The following HERC3 variants were observed in gnomAD, a reference collection of about 807,000 sequenced individuals.
HERC3 encodes probable E3 ubiquitin-protein ligase HERC3.
In HERC3, 58 loss-of-function variants were observed where a neutral mutation model predicts 129.9. The observed-to-expected ratio is 0.45, with a 90% CI of 0.36 to 0.56. The LOEUF (loss-of-function observed/expected upper bound fraction) is 0.56, where lower values mean the gene tolerates loss of function less well. HERC3 is among the 20% of genes least tolerant of loss of function. HERC3 has a pLI of 0.00. For missense variants in HERC3, 835 were observed against 1,244.2 expected (o/e 0.67, Z 4.95); for synonymous variants, 430 against 451.0 (o/e 0.95, Z 0.59).
At chr4:88,600,731 A>G (rs1271271895) in intron 2 of HERC3, among the ~76,000 whole-genome samples, 1 of 152,174 alleles carries the variant, frequency 6.6e-6, no homozygotes, top group African/African-American at 2.4e-5. Flanking sequence ...CCTGTTCCAT[A>G]TTTTGGATGT....
chr4:88,610,453 CAA>C (rs10616395), intron 3 of HERC3, among the ~76,000 whole-genome samples: 6,377 of 122,406 alleles, frequency 0.052, 377 homozygotes, highest in East Asian at 0.27. Flanking sequence ...GACTCCGTCT[CAA>C]AAAAAAAAAA....
At chr4:88,558,654 A>C in the HERC3 span, among the ~76,000 whole-genome samples, 1 of 152,162 alleles carries the variant, frequency 6.6e-6, no homozygotes, top group African/African-American at 2.4e-5. Flanking sequence ...TTTTGAAATT[A>C]AAACAATTTT....
At chr4:88,591,862 C>T (rs1253275708), upstream of HERC3, among the ~76,000 whole-genome samples, 9 of 152,274 alleles carry the variant, frequency 5.9e-5, no homozygotes, top group East Asian at 1.7e-3. Flanking sequence ...GTCCACCCTC[C>T]AGCCTCCCCC....
At chr4:88,686,598 C>T (rs894917211) in intron 21 of HERC3, 138 bp from the exon 22 acceptor site, 22 of 572,306 alleles carry the variant, frequency 3.8e-5, no homozygotes, top group East Asian at 1.5e-4. Context: ...ATTTTCTGTC[C>T]GTCCGGATTT....
intron 3 of HERC3, among the ~76,000 whole-genome samples, chr4:88,633,963 C>T (rs1345536373): frequency 6.6e-6 from 1 of 152,036 alleles, no homozygotes; most frequent in Non-Finnish European, 1.5e-5. Context: ...GCCGAGATGG[C>T]CGATTGGAAG....
intron 3 of HERC3, among the ~76,000 whole-genome samples, chr4:88,637,292 G>C (rs1326695750): frequency 6.6e-6 from 1 of 151,134 alleles, no homozygotes; most frequent in Non-Finnish European, 1.5e-5. Context: ...CGGGCATGAT[G>C]GCGGACGCCT....
the HERC3 span, among the ~76,000 whole-genome samples, chr4:88,534,506 A>C: frequency 1.3e-5 from 2 of 152,060 alleles, no homozygotes; most frequent in African/African-American, 4.8e-5. Flanking sequence ...CCTAGAAAAA[A>C]ACTTTCCAGT....
At chr4:88,696,920 A>C in intron 23 of HERC3, 1 of 350,348 alleles carries the variant, frequency 2.9e-6, no homozygotes, top group Non-Finnish European at 5.1e-6. Context: ...CACCCTTTGT[A>C]AACCTCAATC....
chr4:88,601,793 A>G (rs1722997253), intron 2 of HERC3, among the ~76,000 whole-genome samples: 1 of 131,334 alleles, frequency 7.6e-6, no homozygotes, highest in African/African-American at 4.3e-5. Flanking sequence ...GCGGTGGCTT[A>G]CGCCTGTAAT....
chr4:88,578,847 T>C, the HERC3 span, among the ~76,000 whole-genome samples: 37,025 of 151,748 alleles, frequency 0.24, 8,052 homozygotes, highest in African/African-American at 0.58. Flanking sequence ...GGGAAAGAGG[T>C]GGAGACAGGA....
At chr4:88,531,921 A>G in the HERC3 span, among the ~76,000 whole-genome samples, 1 of 152,226 alleles carries the variant, frequency 6.6e-6, no homozygotes, top group Admixed American at 6.5e-5. Context: ...GGTCACAGCT[A>G]TTAGAGCATT....
the HERC3 span, among the ~76,000 whole-genome samples, chr4:88,534,006 C>T: frequency 2.6e-5 from 4 of 152,114 alleles, no homozygotes; most frequent in African/African-American, 7.2e-5. Flanking sequence ...TCTCCACTGC[C>T]CTCCTGCTAA....
intron 23 of HERC3, among the ~76,000 whole-genome samples, chr4:88,701,341 C>T (rs1735298092): frequency 6.6e-6 from 1 of 152,112 alleles, no homozygotes; most frequent in Admixed American, 6.5e-5. Context: ...GATTTGAACC[C>T]CTGTCTGCCT....
chr4:88,622,429 A>G (rs1725630491), intron 3 of HERC3, among the ~76,000 whole-genome samples: 5 of 152,192 alleles, frequency 3.3e-5, no homozygotes, highest in Admixed American at 1.3e-4. Context: ...TGTTATGAAT[A>G]ATGCTGCTGT....
rs1160690130 is a variant in HERC3, at chr4:88,669,984, T to C, written c.1758T>C (p.Tyr586=). 3 of 1,613,958 alleles carry C rather than the reference T, an allele frequency of 1.9e-6. No individual in the cohort carries two copies. The highest frequency in any genetic ancestry group is 2.5e-6 in the Non-Finnish European group (3 of 1,179,898). Residue 586 remains tyrosine (Y), a synonymous_variant, in exon 15 of 26, where the codon TAT becomes TAC. Transcript: ENST00000402738. ...TAATTCCCGTACTGTTTAACAATTATATCACAGCAGCTCTCAAACTCTTGG... is the reference window on the plus strand; with the variant it reads ...TAATTCCCGTACTGTTTAACAATTACATCACAGCAGCTCTCAAACTCTTGG... ...TFLIPVLFNN[Y]ITAALKLLEK...
At position 88,668,059 on chromosome 4, in the gene HERC3, T is replaced by C; in HGVS notation, c.1611T>C (p.Asp537=). 1 of 1,613,588 alleles carries C rather than the reference T, an allele frequency of 6.2e-7. No individual in the cohort carries two copies. The highest frequency in any genetic ancestry group is 8.5e-7 in the Non-Finnish European group (1 of 1,179,610). The stretch of plus-strand genomic sequence containing the variant: ...TGGCTATGGCCATTCTTCGGCTGGA[T>C]ACAAACCCCAGCAAAGTACTAGGTG... The part of the protein sequence containing the change: ...IPLAMAILRL[D]TNPSKVLDNW... The change falls in exon 14 of 26, where the codon GAT becomes GAC. Residue 537 remains aspartate, a synonymous_variant. Transcript: ENST00000402738.
At chr4:88,621,922 C>T (rs998537081) in intron 3 of HERC3, among the ~76,000 whole-genome samples, 1 of 152,140 alleles carries the variant, frequency 6.6e-6, no homozygotes, top group African/African-American at 2.4e-5. Context: ...GCCATGACAG[C>T]CTGTGCACTC....
At chr4:88,536,013 A>G in the HERC3 span, among the ~76,000 whole-genome samples, 2 of 152,214 alleles carry the variant, frequency 1.3e-5, no homozygotes, top group African/African-American at 4.8e-5. Context: ...ACCTACCTCA[A>G]TGCACCTTGC....
chr4:88,621,880 C>T (rs1333469654), intron 3 of HERC3, among the ~76,000 whole-genome samples: 1 of 152,180 alleles, frequency 6.6e-6, no homozygotes, highest in African/African-American at 2.4e-5. Flanking sequence ...AGCAATGTGA[C>T]TATATCTGCA....
Sources: gnomAD v4.1 joint callset for allele counts (sites outside exome capture counted in the v4.1 genomes callset) on GRCh38, gnomAD v4.1.1 for gene constraint, MANE v1.5 for transcripts, NCBI Gene and HGNC (gene_info 2026-07-23, HGNC 2026-07-21) for gene names.